Variants in SLC25A13 observed in about 807,000 individuals in gnomAD.
SLC25A13 encodes electrogenic aspartate/glutamate antiporter SLC25A13, mitochondrial.
A neutral mutation model predicts 85.5 loss-of-function variants in SLC25A13; 70 were observed. That is an observed-to-expected ratio of 0.82 (90% confidence interval 0.68 to 1.00). The LOEUF (loss-of-function observed/expected upper bound fraction) is 1.00. SLC25A13 is among the 50% of genes least tolerant of loss of function. The pLI is 0.00. For synonymous variants in SLC25A13, 259 were observed against 288.7 expected, an observed-to-expected ratio of 0.90 and a Z score of 1.04; for missense variants, 765 against 819.8, an observed-to-expected ratio of 0.93 and a Z score of 0.82.
Position 96,120,934 on chromosome 7 carries a change from T to G in SLC25A13, c.*257A>C. Reference sequence around the variant, plus strand: ...CTCCTTTCCCCAAATCATGTTAGTGTTGACCAAATCCCATCAATTTTCAGA... The same window carrying G: ...CTCCTTTCCCCAAATCATGTTAGTGGTGACCAAATCCCATCAATTTTCAGA... On this transcript the variant is annotated 3_prime_UTR_variant, in exon 18 of 18. Transcript: ENST00000265631. 1 of 594,272 alleles carries G rather than the reference T, an allele frequency of 1.7e-6. No individual in the cohort carries two copies. Among genetic ancestry groups the G allele is most frequent in the South Asian group, 1.5e-5 (1 of 65,784 alleles). The allele number at this position is 594,272 out of a possible 1,614,324, so 36.8% of individuals were successfully genotyped here.
chr7:96,215,025 G>T (rs892155820), intron 4 of SLC25A13, among the ~76,000 whole-genome samples: 2 of 152,032 alleles, frequency 1.3e-5, no homozygotes, highest in East Asian at 3.9e-4. Flanking sequence ...ATCCTGGTTG[G>T]CTTGTTTGCA....
intron 3 of SLC25A13, among the ~76,000 whole-genome samples, chr7:96,264,782 C>G (rs1797988241): frequency 6.6e-6 from 1 of 151,872 alleles, no homozygotes; most frequent in South Asian, 2.1e-4. Context: ...CTCCTGGCCT[C>G]AAGCGATCCT....
chr7:96,266,371 A>G (rs890966948), intron 3 of SLC25A13, among the ~76,000 whole-genome samples: 1 of 151,700 alleles, frequency 6.6e-6, no homozygotes, highest in Non-Finnish European at 1.5e-5. Context: ...AATCTTATCT[A>G]CTCTCAAGTG....
intron 5 of SLC25A13, among the ~76,000 whole-genome samples, chr7:96,199,917 G>T (rs192918693): frequency 6.6e-6 from 1 of 151,884 alleles, no homozygotes; most frequent in Non-Finnish European, 1.5e-5. Context: ...GGTATATTTT[G>T]AATATAAAAT....
At chr7:96,236,920 T>C (rs781188897) in intron 3 of SLC25A13, among the ~76,000 whole-genome samples, 5 of 152,200 alleles carry the variant, frequency 3.3e-5, no homozygotes, top group Non-Finnish European at 7.3e-5. Context: ...CTGGGCAGAA[T>C]AGACTTCTTC....
intron 4 of SLC25A13, among the ~76,000 whole-genome samples, chr7:96,227,566 G>A (rs1480038661): frequency 6.6e-6 from 1 of 152,178 alleles, no homozygotes; most frequent in Non-Finnish European, 1.5e-5. Context: ...TATAGTATTA[G>A]CGGAGAATAT....
At chr7:96,193,261 T>A in intron 5 of SLC25A13, 78 bp from the exon 6 acceptor site, 2 of 1,542,594 alleles carry the variant, frequency 1.3e-6, no homozygotes, top group African/African-American at 1.4e-5. Context: ...CATTTTAAAA[T>A]CAGACTGAAG....
intron 3 of SLC25A13, among the ~76,000 whole-genome samples, chr7:96,276,403 CT>C (rs1478309596): frequency 6.6e-6 from 1 of 152,190 alleles, no homozygotes; most frequent in Non-Finnish European, 1.5e-5. Flanking sequence ...AAGCGGATGG[CT>C]TGAGCCCAGG....
intron 1 of SLC25A13, among the ~76,000 whole-genome samples, chr7:96,313,452 T>A (rs188319133): frequency 6.6e-6 from 1 of 152,314 alleles, no homozygotes; most frequent in African/African-American, 2.4e-5. Flanking sequence ...CAAAATCATG[T>A]CCTTTGCAAC....
At chr7:96,315,095 A>G (rs762673920) in intron 1 of SLC25A13, among the ~76,000 whole-genome samples, 16 of 152,168 alleles carry the variant, frequency 1.1e-4, no homozygotes, top group Non-Finnish European at 1.9e-4. Context: ...CTATTCCAGG[A>G]TTATCACAAA....
chr7:96,196,310 T>C (rs992791221), intron 5 of SLC25A13, among the ~76,000 whole-genome samples: 3 of 152,182 alleles, frequency 2.0e-5, no homozygotes, highest in African/African-American at 4.8e-5. Context: ...TCAACAATAG[T>C]AGAAGGTATG....
intron 4 of SLC25A13, among the ~76,000 whole-genome samples, chr7:96,211,217 T>A (rs1368959156): frequency 1.3e-5 from 2 of 152,170 alleles, no homozygotes; most frequent in African/African-American, 4.8e-5. Context: ...AGAGCTCACA[T>A]TTGAATCCGA....
chr7:96,293,691 A>G (rs1799220447), intron 2 of SLC25A13, among the ~76,000 whole-genome samples: 2 of 152,224 alleles, frequency 1.3e-5, no homozygotes, highest in African/African-American at 4.8e-5. Flanking sequence ...GCTCATCATC[A>G]CTGGCCATCA....
intron 13 of SLC25A13, among the ~76,000 whole-genome samples, chr7:96,152,453 T>C (rs999867671): frequency 1.3e-5 from 2 of 152,138 alleles, no homozygotes; most frequent in African/African-American, 4.8e-5. Flanking sequence ...CTATACTGAA[T>C]AGAGGTGGCT....
intron 11 of SLC25A13, among the ~76,000 whole-genome samples, chr7:96,178,831 T>C (rs1794319687): frequency 2.6e-5 from 4 of 152,192 alleles, no homozygotes; most frequent in Admixed American, 2.6e-4. Flanking sequence ...CCCCTAGGCA[T>C]GAGGCATTTC....
At chr7:96,204,957 G>A (rs1347022733) in intron 5 of SLC25A13, among the ~76,000 whole-genome samples, 1 of 152,164 alleles carries the variant, frequency 6.6e-6, no homozygotes, top group Non-Finnish European at 1.5e-5. Flanking sequence ...TGCTCAGGCT[G>A]GAATGCAGTG....
chr7:96,279,038 T>C (rs1214820696), intron 2 of SLC25A13, among the ~76,000 whole-genome samples: 1 of 152,174 alleles, frequency 6.6e-6, no homozygotes, highest in Non-Finnish European at 1.5e-5. Flanking sequence ...GCTTTGAATA[T>C]AACATTTGTC....
intron 2 of SLC25A13, among the ~76,000 whole-genome samples, chr7:96,287,163 C>T (rs756147375): frequency 7.2e-5 from 11 of 152,222 alleles, no homozygotes; most frequent in Non-Finnish European, 1.5e-4. Flanking sequence ...CCCCTCACCA[C>T]AATACCATCT....
chr7:96,221,834 G>C (rs1796140879), intron 4 of SLC25A13, among the ~76,000 whole-genome samples: 1 of 152,112 alleles, frequency 6.6e-6, no homozygotes, highest in Non-Finnish European at 1.5e-5. Context: ...CATCATAGCA[G>C]GTGTTCCTGG....
Sources: gnomAD v4.1 joint callset for allele counts (sites outside exome capture counted in the v4.1 genomes callset) on GRCh38, gnomAD v4.1.1 for gene constraint, MANE v1.5 for transcripts, NCBI Gene and HGNC (gene_info 2026-07-23, HGNC 2026-07-21) for gene names.